The following UBE2O variants were observed in gnomAD, a reference collection of about 807,000 sequenced individuals.
UBE2O encodes the protein (E3-independent) E2 ubiquitin-conjugating enzyme.
Under a neutral mutation model 125.8 loss-of-function variants are expected in UBE2O, and 15 were observed. The ratio of observed to expected loss-of-function variants is 0.12; its 90% confidence interval spans 0.08 to 0.18. The LOEUF (loss-of-function observed/expected upper bound fraction) is 0.18. UBE2O is among the 10% of genes least tolerant of loss of function. The pLI is 1.00. For missense variants in UBE2O, 1,280 were observed against 1,723.6 expected, an observed-to-expected ratio of 0.74 and a Z score of 4.56; for synonymous variants, 708 against 703.2, an observed-to-expected ratio of 1.01 and a Z score of -0.11.
At position 76,404,325 on chromosome 17, in the gene UBE2O, T is replaced by A. The variant is rs918450684; in HGVS notation, c.588+881A>T. ...AAGTGAACAACCCCAGCACTTTGGCTATGGGGTACCATGAACCAGGGCAGA... is the reference window on the plus strand; with the variant it reads ...AAGTGAACAACCCCAGCACTTTGGCAATGGGGTACCATGAACCAGGGCAGA... On this transcript the variant is annotated intron_variant, in intron 3 of 17. Transcript: ENST00000319380. This position sits in a 1 kb window ranked among gnomAD's most constrained non-coding sequence, Gnocchi z 4.3. Among the ~76,000 whole-genome samples, 2 of 152,206 alleles carry A rather than the reference T, an allele frequency of 1.3e-5. No homozygotes were observed. Among genetic ancestry groups the A allele is most frequent in the African/African-American group, 4.8e-5 (2 of 41,444 alleles).
chr17:76,395,055 T>C lies in UBE2O; in HGVS notation c.2946+670A>G, dbSNP rs200206239. On this transcript the variant is annotated intron_variant, in intron 15 of 17. Coordinates refer to ENST00000319380, the MANE Select transcript of UBE2O (RefSeq NM_022066.4). The surrounding 1 kb of genome is among the most constrained non-coding windows in gnomAD (Gnocchi z 5.0). The stretch of plus-strand genomic sequence containing the variant: ...CACATCCGGCTAATTTTTGTATTTT[T>C]AGTAGAGACAGGGTTTCACCGGGTT... 6.6e-6 allele frequency among the ~76,000 whole-genome samples: 1 copy of C among 151,734 alleles called. No homozygotes were observed. The highest frequency in any genetic ancestry group is 2.4e-5 in the African/African-American group (1 of 41,252).
rs971315574 is a variant in UBE2O at position 76,398,114 on chromosome 17, G to A, written c.2025+141C>T. ...AGTGCTGAGCGGCAGCTTGACTCTG[G>A]GGCAGCTGCCCTTCTGAGGACACTG... is the stretch of plus-strand genomic sequence containing the variant. On this transcript the variant is annotated intron_variant, in intron 12 of 17. Transcript: ENST00000319380. The surrounding 1 kb of genome is among the most constrained non-coding windows in gnomAD (Gnocchi z 5.4). The A allele has an allele frequency of 8.3e-7, 1 of 1,206,694 alleles. No homozygotes were observed. The highest frequency in any genetic ancestry group is 1.5e-5 in the African/African-American group (1 of 66,390). 74.7% of individuals were successfully genotyped at this position (1,206,694 alleles called of 1,614,324 possible). A position where few individuals can be genotyped will look rare whatever the true frequency, so the allele number is the denominator to read the frequency against.
chr17:76,398,949 C>T lies in UBE2O; in HGVS notation c.1671G>A (p.Val557=), dbSNP rs1458064323. 6.2e-7 allele frequency: 1 copy of T among 1,614,144 alleles called. No homozygotes were observed. The highest frequency in any genetic ancestry group is 8.5e-7 in the Non-Finnish European group (1 of 1,180,040). Residue 557 remains valine (V), a synonymous_variant, in exon 10 of 18, where the codon GTG becomes GTA. Transcript: ENST00000319380. This position sits in a 1 kb window ranked among gnomAD's most constrained non-coding sequence, Gnocchi z 5.4. Reference sequence around the variant, plus strand: ...ATTCCACGGAGCCATCCTGCCACATCACGTCGGCTGAGGTCATCGTGGTCA... The same window carrying T: ...ATTCCACGGAGCCATCCTGCCACATTACGTCGGCTGAGGTCATCGTGGTCA... ...EVVTTMTSAD[V]MWQDGSVECN... is the part of the protein sequence containing the mutation.
rs529325024 is a variant in UBE2O at position 76,398,644 on chromosome 17, C to T, written c.1784-60G>A. ...GGGATCCCGGCTAAGGAGCCCACAT[C>T]TCAAGCCAGTGCAGAGTGCAGAACC... On this transcript the variant is annotated intron_variant, in intron 10 of 17. Transcript: ENST00000319380. This position sits in a 1 kb window ranked among gnomAD's most constrained non-coding sequence, Gnocchi z 5.4. The T allele has an allele frequency of 1.9e-6, 3 of 1,567,328 alleles. No homozygotes were observed. The South Asian group carries it at 3.4e-5, about 18-fold the overall frequency.
intron 1 of UBE2O, among the ~76,000 whole-genome samples, chr17:76,424,911 C>T (rs2072781038): frequency 6.7e-6 from 1 of 149,918 alleles, no homozygotes; most frequent in African/African-American, 2.5e-5. Context: ...CACCCTGTCA[C>T]CCAGGCTGGA....
chr17:76,432,588 C>T (rs960643857), intron 1 of UBE2O, among the ~76,000 whole-genome samples: 2 of 152,046 alleles, frequency 1.3e-5, no homozygotes, highest in African/African-American at 4.8e-5. Flanking sequence ...CTTAAGCATA[C>T]TGAAATAGGA....
intron 1 of UBE2O, among the ~76,000 whole-genome samples, chr17:76,435,417 T>TACACACACACACACACACACACACAC (rs59781051): frequency 3.1e-5 from 3 of 96,316 alleles, no homozygotes; most frequent in East Asian, 2.4e-4. Flanking sequence ...CACACACACA[T>TACACACACACACACACACACACACAC]ACACACACAC....
chr17:76,426,506 T>G lies in UBE2O; in HGVS notation c.418-20934A>C, dbSNP rs575172545. On this transcript the variant is annotated intron_variant, in intron 1 of 17. Transcript: ENST00000319380. ...CTACCATATTTTTTCTTTGCTCTCT[T>G]TCTTTTAGACAAATGACCTAGTTTT... is the stretch of plus-strand genomic sequence containing the variant. 2.6e-5 allele frequency among the ~76,000 whole-genome samples: 4 copies of G among 152,372 alleles called. No individual in the cohort carries two copies. In the East Asian group the frequency reaches 7.7e-4, roughly 29 times the overall value.
chr17:76,396,385 T>C lies in UBE2O; in HGVS notation c.2552A>G (p.Lys851Arg). 6.2e-7 allele frequency: 1 copy of C among 1,614,216 alleles called. No individual in the cohort carries two copies. Among genetic ancestry groups the C allele is most frequent in the Non-Finnish European group, 8.5e-7 (1 of 1,180,036 alleles). ...CTTCTTGATGTCATCCAGAAACTTC[T>C]TCTCCCGAGTTGGCTTCTCAGGCTC... is the stretch of plus-strand genomic sequence containing the variant. ...TVEPEKPTRE[K>R]KFLDDIKKLQ... The change falls in exon 14 of 18, where the codon AAG becomes AGG. Residue 851 changes from lysine to arginine, a missense_variant. Physicochemically the swap from Lys to Arg is conservative, Grantham distance 26. Around this residue, in one of 10 missense-constraint regions of UBE2O, gnomAD observed 210 missense variants for 268.9 expected, o/e 0.78. Coordinates refer to ENST00000319380, the MANE Select transcript of UBE2O (RefSeq NM_022066.4). This position sits in a 1 kb window ranked among gnomAD's most constrained non-coding sequence, Gnocchi z 6.7.
At chr17:76,434,284 A>G (rs1340380330) in intron 1 of UBE2O, among the ~76,000 whole-genome samples, 3 of 152,170 alleles carry the variant, frequency 2.0e-5, no homozygotes, top group African/African-American at 7.2e-5. Context: ...CCCACCTGCA[A>G]TAAGCACACG....
rs750434101 is a variant in UBE2O at position 76,405,484 on chromosome 17, C to T, written c.477+29G>A. Reference sequence around the variant, plus strand: ...TCCCTAAGGTGGCTGCCCCCAGGCCCGGGGCTGGGGTGGGGACGCAGGACT... The same window carrying T: ...TCCCTAAGGTGGCTGCCCCCAGGCCTGGGGCTGGGGTGGGGACGCAGGACT... On this transcript the variant is annotated intron_variant, in intron 2 of 17. Coordinates refer to ENST00000319380, the MANE Select transcript of UBE2O (RefSeq NM_022066.4). This position sits in a 1 kb window ranked among gnomAD's most constrained non-coding sequence, Gnocchi z 6.1. 41 of 1,588,464 alleles carry T rather than the reference C, an allele frequency of 2.6e-5. No homozygotes were observed. The highest frequency in any genetic ancestry group is 5.7e-5 in the South Asian group (5 of 87,310).
intron 1 of UBE2O, among the ~76,000 whole-genome samples, chr17:76,443,921 C>T (rs996499100): frequency 2.6e-5 from 4 of 152,064 alleles, no homozygotes; most frequent in Non-Finnish European, 5.9e-5. Context: ...AAGGAAATAC[C>T]GTTAAGAGGG....
At chr17:76,393,236 C>T (rs140512067) in intron 15 of UBE2O, among the ~76,000 whole-genome samples, 8,122 of 151,250 alleles carry the variant, frequency 0.054, 297 homozygotes, top group South Asian at 0.12. Context: ...CCAGCCTGGG[C>T]GACAGAGTGA....
In UBE2O at chr17:76,398,667, AC is replaced by A; in HGVS notation, c.1784-84del. On this transcript the variant is annotated intron_variant, in intron 10 of 17. Coordinates refer to ENST00000319380, the MANE Select transcript of UBE2O (RefSeq NM_022066.4). The surrounding 1 kb of genome is among the most constrained non-coding windows in gnomAD (Gnocchi z 5.4). ...ATCTCAAGCCAGTGCAGAGTGCAGAACCCTGACCTTCCCCCGTCTTGGAAGT... is the reference window on the plus strand; with the variant it reads ...ATCTCAAGCCAGTGCAGAGTGCAGAACCTGACCTTCCCCCGTCTTGGAAGT... The A allele has an allele frequency of 6.7e-7, 1 of 1,498,100 alleles. No homozygotes were observed. The highest frequency in any genetic ancestry group is 9.2e-7 in the Non-Finnish European group (1 of 1,086,564). The allele number at this position is 1,498,100 out of a possible 1,614,324, so 92.8% of individuals were successfully genotyped here.
At chr17:76,449,530 G>A (rs1312629024) in intron 1 of UBE2O, among the ~76,000 whole-genome samples, 5 of 152,162 alleles carry the variant, frequency 3.3e-5, no homozygotes, top group African/African-American at 9.7e-5. Flanking sequence ...AGCTGAGATC[G>A]TGCCACTGCA....
In UBE2O at chr17:76,453,132, G is replaced by T; in HGVS notation, c.10C>A (p.Pro4Thr). Reference sequence around the variant, plus strand: ...GGAGCTGCGGGCGTGGGGGCTGCGGGATCCGCCATAACTGCTCTGCGCGAG... The same window carrying T: ...GGAGCTGCGGGCGTGGGGGCTGCGGTATCCGCCATAACTGCTCTGCGCGAG... MAD[P>T]AAPTPAAPAP... is the part of the protein sequence containing the mutation. Residue 4 changes from proline to threonine, a missense_variant, in exon 1 of 18, where the codon CCC becomes ACC. Pro to Thr is a conservative substitution (Grantham distance 38, BLOSUM62 -1). Transcript: ENST00000319380. The T allele has an allele frequency of 1.4e-6, 1 of 697,804 alleles. No individual in the cohort carries two copies. The highest frequency in any genetic ancestry group is 2.1e-6 in the Non-Finnish European group (1 of 483,612). 43.2% of individuals were successfully genotyped at this position (697,804 alleles called of 1,614,324 possible).
Position 76,402,315 on chromosome 17 carries a change from T to C in UBE2O, c.687-188A>G, listed in dbSNP as rs1217576817. The stretch of plus-strand genomic sequence containing the variant: ...AAGACCCCAAGTGCCACTGGAGTGC[T>C]TGCTCAGCACCATCACAGTGCCTCA... On this transcript the variant is annotated intron_variant, in intron 4 of 17. Transcript: ENST00000319380. The surrounding 1 kb of genome is among the most constrained non-coding windows in gnomAD (Gnocchi z 5.4). 6.6e-6 allele frequency among the ~76,000 whole-genome samples: 1 copy of C among 152,190 alleles called. No individual in the cohort carries two copies. Among genetic ancestry groups the C allele is most frequent in the Non-Finnish European group, 1.5e-5 (1 of 68,020 alleles).
intron 1 of UBE2O, among the ~76,000 whole-genome samples, chr17:76,432,823 A>C (rs1244724871): frequency 1.3e-5 from 2 of 152,250 alleles, no homozygotes; most frequent in African/African-American, 4.8e-5. Flanking sequence ...ATGGCCAATA[A>C]GCACATGAAA....
chr17:76,421,493 G>A (rs1001587444), intron 1 of UBE2O, among the ~76,000 whole-genome samples: 5 of 152,156 alleles, frequency 3.3e-5, no homozygotes, highest in African/African-American at 4.8e-5. Flanking sequence ...AGCCTCACAA[G>A]TAGCTGGGAT....
Sources: allele counts gnomAD v4.1 joint callset (sites outside exome capture counted in the v4.1 genomes callset), GRCh38; gene constraint gnomAD v4.1.1; regional missense constraint gnomAD v4.1.1; non-coding constraint Gnocchi (gnomAD v3.1); transcripts MANE v1.5; gene names NCBI Gene and HGNC (gene_info 2026-07-23, HGNC 2026-07-21).